Variants in CCDC91 observed in about 807,000 individuals in gnomAD.
CCDC91 encodes coiled-coil domain-containing protein 91.
Under a neutral mutation model 63.2 loss-of-function variants are expected in CCDC91, and 48 were observed. The observed-to-expected ratio is 0.76, with a 90% confidence interval of 0.60 to 0.97. CCDC91 has a LOEUF of 0.97. Ranked by LOEUF, CCDC91 falls within the 50% of genes least tolerant of loss-of-function variation. The probability of loss-of-function intolerance (pLI) is 0.00; values close to 1 mark genes in which losing one functional copy is unlikely to be tolerated. For synonymous variants in CCDC91, 167 were observed against 165.8 expected, an observed-to-expected ratio of 1.01 and a Z score of -0.06; for missense variants, 500 against 494.6, an observed-to-expected ratio of 1.01 and a Z score of -0.10.
intron 12 of CCDC91, among the ~76,000 whole-genome samples, chr12:28,535,843 AC>A (rs1245419367): frequency 2.6e-5 from 4 of 152,020 alleles, no homozygotes; most frequent in African/African-American, 9.7e-5. Context: ...CCTGGCTAAC[AC>A]GGTGAAACCC....
intron 11 of CCDC91, among the ~76,000 whole-genome samples, chr12:28,455,723 A>G (rs1206429140): frequency 1.3e-5 from 2 of 151,970 alleles, no homozygotes; most frequent in Non-Finnish European, 2.9e-5. Flanking sequence ...TAGCAGTAAG[A>G]TAATAGCAGA....
At chr12:28,518,755 A>G (rs1940243019) in intron 12 of CCDC91, among the ~76,000 whole-genome samples, 1 of 151,890 alleles carries the variant, frequency 6.6e-6, no homozygotes, top group South Asian at 2.1e-4. Context: ...GCTTTTTCCA[A>G]TGTTATCTTC....
intron 6 of CCDC91, among the ~76,000 whole-genome samples, chr12:28,349,358 G>T (rs1943030483): frequency 6.6e-6 from 1 of 152,128 alleles, no homozygotes; most frequent in African/African-American, 2.4e-5. Context: ...GACAAATGGG[G>T]CATGATGTAG....
At chr12:28,481,753 C>T (rs1566043351) in intron 11 of CCDC91, among the ~76,000 whole-genome samples, 1 of 151,888 alleles carries the variant, frequency 6.6e-6, no homozygotes, top group Non-Finnish European at 1.5e-5. Context: ...TCAGTTAACT[C>T]CCAACTGGGG....
intron 8 of CCDC91, among the ~76,000 whole-genome samples, chr12:28,431,022 A>T (rs1948598119): frequency 1.3e-5 from 2 of 152,186 alleles, no homozygotes; most frequent in South Asian, 4.1e-4. Context: ...TAGAATATTT[A>T]AAAACTTTGC....
At chr12:28,266,367 G>A (rs1428420153) in intron 3 of CCDC91, among the ~76,000 whole-genome samples, 9 of 151,952 alleles carry the variant, frequency 5.9e-5, no homozygotes, top group Admixed American at 5.9e-4. Flanking sequence ...TGAAAGACTA[G>A]ATGATATCTA....
At chr12:28,380,829 G>T (rs1484913932) in intron 7 of CCDC91, among the ~76,000 whole-genome samples, 1 of 151,962 alleles carries the variant, frequency 6.6e-6, no homozygotes, top group African/African-American at 2.4e-5. Context: ...TATCAGTAAG[G>T]TCTATCTAGA....
intron 6 of CCDC91, among the ~76,000 whole-genome samples, chr12:28,359,407 C>T (rs896611315): frequency 6.6e-6 from 1 of 152,036 alleles, no homozygotes; most frequent in African/African-American, 2.4e-5. Context: ...TTGCCTTAGG[C>T]TAATTAACTC....
At chr12:28,542,268 C>T (rs1286783249) in intron 12 of CCDC91, among the ~76,000 whole-genome samples, 1 of 151,922 alleles carries the variant, frequency 6.6e-6, no homozygotes, top group Non-Finnish European at 1.5e-5. Flanking sequence ...ATTTACTTAC[C>T]AGGCATCTTT....
intron 8 of CCDC91, among the ~76,000 whole-genome samples, chr12:28,426,611 C>G (rs1261900496): frequency 6.6e-6 from 1 of 151,992 alleles, no homozygotes; most frequent in Non-Finnish European, 1.5e-5. Flanking sequence ...ACTGATGAGC[C>G]CATCAAAGGC....
chr12:28,261,045 C>T (rs1240118765), intron 3 of CCDC91, among the ~76,000 whole-genome samples: 1 of 151,904 alleles, frequency 6.6e-6, no homozygotes, highest in Non-Finnish European at 1.5e-5. Flanking sequence ...TTTTCAATAA[C>T]TCAGGTTTTT....
At position 28,391,313 on chromosome 12, in the gene CCDC91, C is replaced by T. The variant is rs1945929880; in HGVS notation, c.664C>T (p.Gln222Ter). Reference sequence around the variant, plus strand: ...TTTTGCTTGTTTTCAGGCACTACTGCAGTCTTCAGTTAAGCAACAAGTAGA... The same window carrying T: ...TTTTGCTTGTTTTCAGGCACTACTGTAGTCTTCAGTTAAGCAACAAGTAGA... ...IIVDEYKALL[Q>*]SSVKQQVEAI... is the part of the protein sequence containing the mutation. Residue 222 changes from glutamine (Q) to a stop codon, truncating the protein, a stop_gained, in exon 8 of 13, where the codon CAG (glutamine) becomes TAG (stop). Coordinates refer to ENST00000536442, the MANE Select transcript of CCDC91 (RefSeq NM_018318.5). LOFTEE classifies it high-confidence loss of function. 1 of 1,607,640 alleles carries T rather than the reference C, an allele frequency of 6.2e-7. No individual in the cohort carries two copies. Among genetic ancestry groups the T allele is most frequent in the African/African-American group, 1.3e-5 (1 of 74,786 alleles).
chr12:28,529,390 C>T (rs901356733), intron 12 of CCDC91, among the ~76,000 whole-genome samples: 3 of 152,120 alleles, frequency 2.0e-5, no homozygotes, highest in East Asian at 1.9e-4. Flanking sequence ...AAGTCAGTAC[C>T]AAGACTGGCA....
At chr12:28,495,854 CTT>C (rs555056077) in intron 12 of CCDC91, among the ~76,000 whole-genome samples, 46 of 151,734 alleles carry the variant, frequency 3.0e-4, no homozygotes, top group African/African-American at 1.1e-3. Flanking sequence ...TCAGTGGTCA[CTT>C]TATTTCAAGT....
At chr12:28,223,227 T>C (rs1944062310) in intron 1 of CCDC91, among the ~76,000 whole-genome samples, 2 of 152,186 alleles carry the variant, frequency 1.3e-5, no homozygotes, top group Non-Finnish European at 2.9e-5. Context: ...TTATCTCTCG[T>C]AGGGACAATA....
chr12:28,371,780 G>T (rs1411213182), intron 7 of CCDC91, among the ~76,000 whole-genome samples: 3 of 152,140 alleles, frequency 2.0e-5, no homozygotes, highest in Non-Finnish European at 2.9e-5. Flanking sequence ...AGGGCCGGAG[G>T]CTTGAACAAT....
At chr12:28,419,212 GTAAT>G (rs1375672970) in intron 8 of CCDC91, among the ~76,000 whole-genome samples, 1 of 152,120 alleles carries the variant, frequency 6.6e-6, no homozygotes, top group Non-Finnish European at 1.5e-5. Context: ...TAAAATAAGA[GTAAT>G]TAGTAAGAAA....
intron 8 of CCDC91, among the ~76,000 whole-genome samples, chr12:28,430,792 G>A (rs1457192242): frequency 6.6e-6 from 1 of 152,068 alleles, no homozygotes; most frequent in African/African-American, 2.4e-5. Context: ...TATGTAATTT[G>A]TGAGTTTAGA....
intron 6 of CCDC91, among the ~76,000 whole-genome samples, chr12:28,329,803 C>G (rs898195211): frequency 2.6e-5 from 4 of 152,062 alleles, no homozygotes; most frequent in Admixed American, 1.3e-4. Flanking sequence ...ATGTGATGTT[C>G]CCCGCCCTGT....
Sources: gnomAD v4.1 joint callset for allele counts (sites outside exome capture counted in the v4.1 genomes callset) on GRCh38, gnomAD v4.1.1 for gene constraint, MANE v1.5 for transcripts, NCBI Gene and HGNC (gene_info 2026-07-23, HGNC 2026-07-21) for gene names.